SLC24A2: variants seen among roughly 807,000 people sequenced by gnomAD.
SLC24A2 encodes sodium/potassium/calcium exchanger 2.
A neutral mutation model predicts 62.0 loss-of-function variants in SLC24A2; 36 were observed. The ratio of observed to expected loss-of-function variants is 0.58; its 90% confidence interval spans 0.44 to 0.77. The LOEUF (loss-of-function observed/expected upper bound fraction) is 0.77, where lower values mean the gene tolerates loss of function less well. Among genes scored for constraint, SLC24A2 ranks in the 30% least tolerant of loss-of-function variants. The probability of loss-of-function intolerance (pLI) is 0.00; values close to 1 mark genes in which losing one functional copy is unlikely to be tolerated. For missense variants in SLC24A2, 846 were observed against 817.9 expected, an observed-to-expected ratio of 1.03 and a Z score of -0.42; for synonymous variants, 358 against 294.0, an observed-to-expected ratio of 1.22 and a Z score of -2.23.
intron 8 of SLC24A2, among the ~76,000 whole-genome samples, chr9:19,543,254 TC>T (rs1424822651): frequency 1.3e-5 from 2 of 152,234 alleles, no homozygotes; most frequent in African/African-American, 4.8e-5. Flanking sequence ...AGTTTGTATT[TC>T]TGTGGGATCA....
At chr9:19,657,593 T>C (rs941090047) in intron 2 of SLC24A2, among the ~76,000 whole-genome samples, 3 of 152,160 alleles carry the variant, frequency 2.0e-5, no homozygotes, top group African/African-American at 7.2e-5. Context: ...GTTTTGACTT[T>C]GCTTAGGCTG....
At chr9:19,874,102 C>T in the SLC24A2 span, among the ~76,000 whole-genome samples, 6 of 110,688 alleles carry the variant, frequency 5.4e-5, no homozygotes, top group South Asian at 8.5e-4. Flanking sequence ...TTTTTTGAGA[C>T]AGAGTCTGGC....
At chr9:19,838,101 G>A in the SLC24A2 span, among the ~76,000 whole-genome samples, 6 of 151,726 alleles carry the variant, frequency 4.0e-5, no homozygotes, top group African/African-American at 7.3e-5. Context: ...AAAAGAGCCC[G>A]CATTGCCAAG....
chr9:19,917,232 T>C, the SLC24A2 span, among the ~76,000 whole-genome samples: 802 of 151,728 alleles, frequency 5.3e-3, 13 homozygotes, highest in African/African-American at 0.018. Flanking sequence ...TTTATTTTAA[T>C]GTTATTTCTT....
the SLC24A2 span, among the ~76,000 whole-genome samples, chr9:20,156,770 C>T: frequency 0.054 from 8,226 of 151,844 alleles, 707 homozygotes; most frequent in African/African-American, 0.19. Context: ...GTCTTGCACC[C>T]TTGCACTGTT....
chr9:20,068,204 AGGC>A, the SLC24A2 span, among the ~76,000 whole-genome samples: 1 of 151,614 alleles, frequency 6.6e-6, no homozygotes, highest in Non-Finnish European at 1.5e-5. Flanking sequence ...CTGGGATTAC[AGGC>A]GCCCAACACC....
chr9:19,646,402 G>A (rs1220456644), intron 2 of SLC24A2, among the ~76,000 whole-genome samples: 2 of 152,142 alleles, frequency 1.3e-5, no homozygotes, highest in African/African-American at 2.4e-5. Flanking sequence ...CAGCATGCAG[G>A]GGGCTGTCAC....
At chr9:20,231,509 G>A in the SLC24A2 span, among the ~76,000 whole-genome samples, 1 of 152,158 alleles carries the variant, frequency 6.6e-6, no homozygotes, top group Non-Finnish European at 1.5e-5. Flanking sequence ...GTGAATGGGA[G>A]TTTACTCATG....
intron 4 of SLC24A2, among the ~76,000 whole-genome samples, chr9:19,602,012 G>A (rs988626779): frequency 6.6e-6 from 1 of 152,188 alleles, no homozygotes; most frequent in Non-Finnish European, 1.5e-5. Flanking sequence ...AAAAATCAGA[G>A]TGAACTTTGG....
the SLC24A2 span, among the ~76,000 whole-genome samples, chr9:20,227,279 T>C: frequency 6.6e-6 from 1 of 152,132 alleles, no homozygotes; most frequent in African/African-American, 2.4e-5. Flanking sequence ...AATCTTTGAT[T>C]TGTTTATGGT....
At chr9:20,161,108 A>C in the SLC24A2 span, among the ~76,000 whole-genome samples, 1 of 151,418 alleles carries the variant, frequency 6.6e-6, no homozygotes, top group East Asian at 1.9e-4. Context: ...TGTTATATAC[A>C]CTTCTATACA....
At chr9:19,737,670 G>T (rs1177474087) in intron 2 of SLC24A2, among the ~76,000 whole-genome samples, 1 of 151,670 alleles carries the variant, frequency 6.6e-6, no homozygotes, top group African/African-American at 2.4e-5. Flanking sequence ...TATTTTTTCA[G>T]GTTTAAAAAT....
chr9:19,843,297 T>G, the SLC24A2 span, among the ~76,000 whole-genome samples: 1 of 152,108 alleles, frequency 6.6e-6, no homozygotes, highest in South Asian at 2.1e-4. Flanking sequence ...AGGTCAGGAG[T>G]TCGAGACCAG....
chr9:19,773,917 T>A (rs12115467), intron 2 of SLC24A2, among the ~76,000 whole-genome samples: 29,782 of 152,226 alleles, frequency 0.2, 3,508 homozygotes, highest in South Asian at 0.33. Context: ...TATTTCTCTC[T>A]TAATCCTCTG....
chr9:20,080,287 C>A, the SLC24A2 span, among the ~76,000 whole-genome samples: 1 of 152,132 alleles, frequency 6.6e-6, no homozygotes, highest in Non-Finnish European at 1.5e-5. Flanking sequence ...AGATATAGAC[C>A]AATGGAACAG....
chr9:20,058,740 T>C, the SLC24A2 span, among the ~76,000 whole-genome samples: 6 of 152,234 alleles, frequency 3.9e-5, no homozygotes, highest in Non-Finnish European at 5.9e-5. Context: ...TACTCTCTTC[T>C]GGGCAACAGG....
At chr9:20,227,634 C>T in the SLC24A2 span, among the ~76,000 whole-genome samples, 6 of 150,832 alleles carry the variant, frequency 4.0e-5, no homozygotes, top group African/African-American at 1.5e-4. Context: ...AAAATAGTGT[C>T]TCTTCTGCCC....
chr9:20,074,658 G>A, the SLC24A2 span, among the ~76,000 whole-genome samples: 1 of 146,048 alleles, frequency 6.8e-6, no homozygotes. Context: ...TGAGGGGGAG[G>A]GGAACAGCTT....
At chr9:20,263,873 C>CCCG in the SLC24A2 span, among the ~76,000 whole-genome samples, 16 of 125,924 alleles carry the variant, frequency 1.3e-4, no homozygotes, top group African/African-American at 1.8e-4. Flanking sequence ...CCCCCCCCCC[C>CCCG]CATTAAGGCT....
Sources: gnomAD v4.1 joint callset for allele counts (sites outside exome capture counted in the v4.1 genomes callset) on GRCh38, gnomAD v4.1.1 for gene constraint, MANE v1.5 for transcripts, NCBI Gene and HGNC (gene_info 2026-07-23, HGNC 2026-07-21) for gene names.